The following RUNX1 variants were observed in gnomAD, a reference collection of about 807,000 sequenced individuals.
RUNX1 encodes the protein RUNX family transcription factor 1.
A neutral mutation model predicts 42.8 loss-of-function variants in RUNX1; 19 were observed. The ratio of observed to expected loss-of-function variants is 0.44; its 90% CI spans 0.31 to 0.65. The LOEUF (loss-of-function observed/expected upper bound fraction) is 0.65. Ranked by LOEUF, RUNX1 falls within the 30% of genes least tolerant of loss-of-function variation. The pLI is 0.07. For synonymous variants in RUNX1, 271 were observed against 289.4 expected, an observed-to-expected ratio of 0.94 and a Z score of 0.64; for missense variants, 528 against 672.0, an observed-to-expected ratio of 0.79 and a Z score of 2.37.
rs774523168 is a variant in RUNX1, at chr21:34,857,036, C to T, written c.613+2438G>A. Among the ~76,000 whole-genome samples, 84 of 152,168 alleles carry T rather than the reference C, an allele frequency of 5.5e-4. 1 individual carries two copies. Among genetic ancestry groups the T allele is most frequent in the Non-Finnish European group, 1.1e-3 (74 of 68,020 alleles). ...AGGGCAAATAGAAAAGTCAGCATTA[C>T]CCAAGTCAACCTGGGAGTCTGCATG... is the stretch of plus-strand genomic sequence containing the variant. On this transcript the variant is annotated intron_variant, in intron 6 of 8. Transcript: ENST00000675419.
chr21:34,978,104 A>AT (rs1286889869), intron 2 of RUNX1, among the ~76,000 whole-genome samples: 1 of 152,020 alleles, frequency 6.6e-6, no homozygotes, highest in African/African-American at 2.4e-5. Context: ...TGCCCGGCTA[A>AT]TTTTTTGTAG....
At chr21:34,885,500 A>AC (rs1332187316) in intron 4 of RUNX1, among the ~76,000 whole-genome samples, 3 of 152,232 alleles carry the variant, frequency 2.0e-5, no homozygotes, top group African/African-American at 7.2e-5. Flanking sequence ...AAACAAACAA[A>AC]AAAAACTGCT....
chr21:35,028,619 C>T (rs890406387), intron 2 of RUNX1, among the ~76,000 whole-genome samples: 15 of 152,230 alleles, frequency 9.9e-5, no homozygotes, highest in African/African-American at 3.4e-4. Context: ...ACTCGATTCT[C>T]ATTTTGTTGA....
intron 7 of RUNX1, among the ~76,000 whole-genome samples, chr21:34,815,762 C>T (rs1025343667): frequency 1.3e-5 from 2 of 152,008 alleles, no homozygotes; most frequent in African/African-American, 4.8e-5. Flanking sequence ...AGATGTCTTA[C>T]AAAATGTGGA....
chr21:34,887,259 G>GGGGGGGGGGGGGGGGGT, intron 3 of RUNX1, 163 bp from the exon 4 acceptor site: 1 of 1,316,208 alleles, frequency 7.6e-7, no homozygotes, highest in Non-Finnish European at 9.8e-7. Context: ...GGGCGGGGGT[G>GGGGGGGGGGGGGGGGGT]GTTAGGGGAG....
intron 7 of RUNX1, among the ~76,000 whole-genome samples, chr21:34,820,424 C>G (rs901071360): frequency 7.9e-5 from 12 of 151,896 alleles, no homozygotes; most frequent in Admixed American, 2.6e-4. Context: ...CCGAGGCGGG[C>G]GGATCACCTG....
chr21:34,985,589 C>A (rs913821340), intron 2 of RUNX1, among the ~76,000 whole-genome samples: 1 of 152,180 alleles, frequency 6.6e-6, no homozygotes, highest in African/African-American at 2.4e-5. Context: ...CCTATACTGA[C>A]CCCTACTCCA....
chr21:34,804,742 C>CT (rs58321227), intron 7 of RUNX1, among the ~76,000 whole-genome samples: 54,478 of 132,638 alleles, frequency 0.41, 11,336 homozygotes, highest in African/African-American at 0.47. Flanking sequence ...GAGATGGAAA[C>CT]TTTTTTTTTT....
chr21:34,915,518 T>G (rs554094655), intron 2 of RUNX1, among the ~76,000 whole-genome samples: 1 of 152,366 alleles, frequency 6.6e-6, no homozygotes, highest in Non-Finnish European at 1.5e-5. Context: ...GAATCTGCTT[T>G]AATTGCAGAG....
At chr21:34,995,320 A>G (rs1195856429) in intron 2 of RUNX1, among the ~76,000 whole-genome samples, 1 of 152,200 alleles carries the variant, frequency 6.6e-6, no homozygotes, top group Non-Finnish European at 1.5e-5. Flanking sequence ...GTAAATTAAA[A>G]GCGATAAAAT....
At chr21:34,824,563 T>C (rs1174727765) in intron 7 of RUNX1, among the ~76,000 whole-genome samples, 1 of 152,202 alleles carries the variant, frequency 6.6e-6, no homozygotes, top group East Asian at 1.9e-4. Context: ...TGGGCTATTC[T>C]ACTGCTTTGA....
At chr21:34,808,291 G>A (rs1968263011) in intron 7 of RUNX1, among the ~76,000 whole-genome samples, 1 of 152,172 alleles carries the variant, frequency 6.6e-6, no homozygotes, top group African/African-American at 2.4e-5. Flanking sequence ...AACCCTGCCT[G>A]GGTATGCTGT....
intron 2 of RUNX1, among the ~76,000 whole-genome samples, chr21:35,033,121 G>GAT (rs1569158509): frequency 7.8e-6 from 1 of 128,784 alleles, no homozygotes; most frequent in African/African-American, 3.0e-5. Context: ...CCATCTGCTG[G>GAT]CTCATTCATT....
intron 2 of RUNX1, among the ~76,000 whole-genome samples, chr21:34,938,860 T>C (rs912375614): frequency 2.0e-5 from 3 of 152,214 alleles, no homozygotes; most frequent in Admixed American, 2.0e-4. Context: ...GATAGGCTCC[T>C]GAGAATAATC....
chr21:34,803,435 T>C (rs1173804615), intron 7 of RUNX1, among the ~76,000 whole-genome samples: 1 of 151,806 alleles, frequency 6.6e-6, no homozygotes, highest in Admixed American at 6.6e-5. Context: ...TAGTCCCAGC[T>C]ACTCGGGAGG....
intron 2 of RUNX1, among the ~76,000 whole-genome samples, chr21:34,954,912 A>G (rs1022682262): frequency 1.3e-5 from 2 of 152,288 alleles, no homozygotes; most frequent in African/African-American, 2.4e-5. Flanking sequence ...TGATTTTGAC[A>G]TTACTTCTTG....
intron 2 of RUNX1, among the ~76,000 whole-genome samples, chr21:34,999,211 G>A (rs1353855801): frequency 6.6e-6 from 1 of 152,216 alleles, no homozygotes; most frequent in Non-Finnish European, 1.5e-5. Flanking sequence ...CTTGGCAGAG[G>A]TTCCTGAAAT....
intron 5 of RUNX1, among the ~76,000 whole-genome samples, chr21:34,869,687 G>A (rs1415194712): frequency 6.6e-6 from 1 of 152,166 alleles, no homozygotes; most frequent in Non-Finnish European, 1.5e-5. Flanking sequence ...CTTAAGAATG[G>A]CTTCCAGCGG....
At chr21:34,932,383 C>T (rs1263752761) in intron 2 of RUNX1, among the ~76,000 whole-genome samples, 1 of 152,012 alleles carries the variant, frequency 6.6e-6, no homozygotes, top group East Asian at 1.9e-4. Flanking sequence ...TAGAGATGTC[C>T]CCAGTTCAGA....
Sources: allele counts gnomAD v4.1 joint callset (sites outside exome capture counted in the v4.1 genomes callset), GRCh38; gene constraint gnomAD v4.1.1; transcripts MANE v1.5; gene names NCBI Gene and HGNC (gene_info 2026-07-23, HGNC 2026-07-21).